The following STK32B variants were observed in gnomAD, a reference collection of about 807,000 sequenced individuals.
STK32B encodes serine/threonine-protein kinase 32B.
STK32B carries 43 observed loss-of-function variants against 52.6 expected under a neutral mutation model. The observed-to-expected ratio is 0.82, with a 90% CI of 0.64 to 1.05. STK32B has a LOEUF of 1.05. STK32B is among the 50% of genes least tolerant of loss of function. The pLI is 0.00. For missense variants in STK32B, 621 were observed against 534.6 expected (o/e 1.16, Z -1.59); for synonymous variants, 238 against 204.3 (o/e 1.17, Z -1.41).
intron 6 of STK32B, among the ~76,000 whole-genome samples, chr4:5,442,878 G>A (rs1184376346): frequency 6.6e-6 from 1 of 152,100 alleles, no homozygotes; most frequent in Non-Finnish European, 1.5e-5. Flanking sequence ...TAGTTTGGCT[G>A]GATATGAAAT....
the STK32B span, among the ~76,000 whole-genome samples, chr4:5,025,287 A>AG: frequency 6.6e-6 from 1 of 151,828 alleles, no homozygotes; most frequent in East Asian, 2.0e-4. Flanking sequence ...GGTCCACTTG[A>AG]TCCCCCATAG....
At chr4:5,205,647 A>G (rs1170406109) in intron 3 of STK32B, among the ~76,000 whole-genome samples, 3 of 152,000 alleles carry the variant, frequency 2.0e-5, no homozygotes, top group Non-Finnish European at 2.9e-5. Context: ...TAGCAGTGAC[A>G]GAGGAGTGAG....
Position 5,400,965 on chromosome 4 carries a change from G to A in STK32B, c.472+2721G>A, listed in dbSNP as rs1044536718. 2.6e-5 allele frequency among the ~76,000 whole-genome samples: 4 copies of A among 152,172 alleles called. No individual in the cohort carries two copies. Among genetic ancestry groups the A allele is most frequent in the African/African-American group, 9.7e-5 (4 of 41,432 alleles). On this transcript the variant is annotated intron_variant, in intron 5 of 11. Coordinates refer to ENST00000282908, the MANE Select transcript of STK32B (RefSeq NM_018401.3). The surrounding 1 kb of genome is among the most constrained non-coding windows in gnomAD (Gnocchi z 6.1). The stretch of plus-strand genomic sequence containing the variant: ...GGGCAGAGGGGAGAGGGAAAGGTGT[G>A]TGCGGGGTTGTCTTAGAGGCAGCCG...
At chr4:5,275,330 T>C (rs184382074) in intron 3 of STK32B, among the ~76,000 whole-genome samples, 125 of 152,368 alleles carry the variant, frequency 8.2e-4, no homozygotes, top group African/African-American at 2.7e-3. Context: ...GCAGATCTTA[T>C]TTTATGGTAG....
chr4:5,092,653 G>A (rs577027541), intron 1 of STK32B, among the ~76,000 whole-genome samples: 1 of 152,288 alleles, frequency 6.6e-6, no homozygotes, highest in East Asian at 1.9e-4. Flanking sequence ...TGCTTCTGAG[G>A]AGTCCGTCTC....
Position 5,460,132 on chromosome 4 carries a change from G to T in STK32B, c.813G>T (p.Val271=). The T allele has an allele frequency of 1.2e-6, 2 of 1,614,206 alleles. No homozygotes were observed. Among genetic ancestry groups the T allele is most frequent in the East Asian group, 2.2e-5 (1 of 44,890 alleles). The change falls in exon 9 of 12, where the codon GTG becomes GTT. Residue 271 remains valine (V), a synonymous_variant. Transcript: ENST00000282908. This position sits in a 1 kb window ranked among gnomAD's most constrained non-coding sequence, Gnocchi z 4.8. ...TGACCAAGGATCCTGAGAGCCGCGT[G>T]TCCAGCCTTCATGACATACAGAGCG... The part of the protein sequence containing the change: ...KLLTKDPESR[V]SSLHDIQSVP...
chr4:5,198,059 A>G (rs1721833453), intron 3 of STK32B, among the ~76,000 whole-genome samples: 1 of 152,138 alleles, frequency 6.6e-6, no homozygotes, highest in African/African-American at 2.4e-5. Flanking sequence ...CTCATGCCAT[A>G]GAAACTACCC....
At chr4:5,225,809 T>G (rs1401839551) in intron 3 of STK32B, among the ~76,000 whole-genome samples, 3 of 152,336 alleles carry the variant, frequency 2.0e-5, no homozygotes, top group Non-Finnish European at 2.9e-5. Context: ...CAGAACATTT[T>G]CCATTTCCAC....
In STK32B at chr4:5,454,718, T is replaced by G. The variant is rs528207355; in HGVS notation, c.667-2089T>G. 3.3e-5 allele frequency among the ~76,000 whole-genome samples: 5 copies of G among 152,284 alleles called. No homozygotes were observed. In the East Asian group the frequency reaches 9.7e-4, roughly 29 times the overall value. On this transcript the variant is annotated intron_variant, in intron 7 of 11. Transcript: ENST00000282908. ...GATATAGTGCCTCGGTTTTGTCTTC[T>G]GTGAAATGGTCATGTTAACAGTCAC...
At chr4:5,120,350 C>T (rs1714961079) in intron 1 of STK32B, among the ~76,000 whole-genome samples, 2 of 152,116 alleles carry the variant, frequency 1.3e-5, no homozygotes, top group South Asian at 2.1e-4. Flanking sequence ...ATTTTATCAT[C>T]TCATATTGTC....
At position 5,261,723 on chromosome 4, in the gene STK32B, CAGAA is replaced by C. The variant is rs563759428; in HGVS notation, c.261-69494_261-69491del. 1.6e-4 allele frequency among the ~76,000 whole-genome samples: 25 copies of C among 152,232 alleles called. 1 individual carries two copies. In the South Asian group the frequency reaches 5.2e-3, roughly 32 times the overall value. On this transcript the variant is annotated intron_variant, in intron 3 of 11. Coordinates refer to ENST00000282908, the MANE Select transcript of STK32B (RefSeq NM_018401.3). ...ACAGCTCCCCCAAACACTGGACACT[CAGAA>C]AGGTAGTTGTTATTATTATTGTTAT... is the stretch of plus-strand genomic sequence containing the variant.
intron 3 of STK32B, among the ~76,000 whole-genome samples, chr4:5,292,183 C>T (rs151098299): frequency 1.3e-5 from 2 of 152,230 alleles, no homozygotes; most frequent in Non-Finnish European, 2.9e-5. Context: ...CTGGACCACA[C>T]AGTAATTCTA....
At chr4:5,201,982 C>G (rs748737758) in intron 3 of STK32B, among the ~76,000 whole-genome samples, 14 of 152,186 alleles carry the variant, frequency 9.2e-5, no homozygotes, top group Non-Finnish European at 1.9e-4. Flanking sequence ...ACAATCACGC[C>G]TTCCCAACAG....
intron 6 of STK32B, among the ~76,000 whole-genome samples, chr4:5,422,704 GCT>G: frequency 6.6e-6 from 1 of 152,132 alleles, no homozygotes; most frequent in Non-Finnish European, 1.5e-5. Flanking sequence ...GCGGGGTACT[GCT>G]CTCCCAGTCC....
At chr4:5,337,838 C>T (rs1348367900) in intron 4 of STK32B, among the ~76,000 whole-genome samples, 1 of 152,110 alleles carries the variant, frequency 6.6e-6, no homozygotes, top group African/African-American at 2.4e-5. Context: ...AATCCTATCA[C>T]CTAAACCCTG....
chr4:5,264,714 G>C (rs1726949681), intron 3 of STK32B, among the ~76,000 whole-genome samples: 1 of 152,084 alleles, frequency 6.6e-6, no homozygotes, highest in African/African-American at 2.4e-5. Flanking sequence ...GTGAACCCAG[G>C]AGGCGGAGCT....
At chr4:5,480,713 C>T (rs951237810) in intron 11 of STK32B, among the ~76,000 whole-genome samples, 1 of 152,068 alleles carries the variant, frequency 6.6e-6, no homozygotes, top group African/African-American at 2.4e-5. Flanking sequence ...GGTATATCTC[C>T]TAATGCTATC....
At chr4:5,331,455 A>T in intron 4 of STK32B, 62 bp downstream of exon 4, 2 of 1,528,904 alleles carry the variant, frequency 1.3e-6, no homozygotes, top group African/African-American at 1.4e-5. Flanking sequence ...TGTCAGGAGC[A>T]GTCTGCAGTA....
chr4:5,425,575 TTG>T (rs1560400606), intron 6 of STK32B, among the ~76,000 whole-genome samples: 17 of 149,428 alleles, frequency 1.1e-4, no homozygotes, highest in African/African-American at 4.0e-4. Context: ...CCTACCCTCA[TTG>T]GTTTGGCTGT....
Sources: allele counts gnomAD v4.1 joint callset (sites outside exome capture counted in the v4.1 genomes callset), GRCh38; gene constraint gnomAD v4.1.1; non-coding constraint Gnocchi (gnomAD v3.1); transcripts MANE v1.5; gene names NCBI Gene and HGNC (gene_info 2026-07-23, HGNC 2026-07-21).